NRG3: variants seen among roughly 807,000 people sequenced by gnomAD.
The protein encoded by NRG3 is pro-neuregulin-3, membrane-bound isoform.
Under a neutral mutation model 66.9 loss-of-function variants are expected in NRG3, and 31 were observed. The observed-to-expected ratio is 0.46, with a 90% CI of 0.35 to 0.63. The LOEUF is 0.63. Ranked by LOEUF, NRG3 falls within the 20% of genes least tolerant of loss-of-function variation. The pLI, the probability that NRG3 is intolerant of heterozygous loss-of-function variation, is 0.00. For synonymous variants in NRG3, 393 were observed against 359.4 expected, an observed-to-expected ratio of 1.09 and a Z score of -1.06; for missense variants, 910 against 878.9, an observed-to-expected ratio of 1.04 and a Z score of -0.45.
chr10:82,377,206 C>G (rs965951238), intron 2 of NRG3, among the ~76,000 whole-genome samples: 2 of 152,128 alleles, frequency 1.3e-5, no homozygotes, highest in Non-Finnish European at 1.5e-5. Context: ...ATTAAGCGAT[C>G]GAATAACTTG....
chr10:82,362,954 G>T (rs1364826404), intron 2 of NRG3, among the ~76,000 whole-genome samples: 1 of 152,120 alleles, frequency 6.6e-6, no homozygotes, highest in Non-Finnish European at 1.5e-5. Context: ...AAAATTACAT[G>T]TTTATTTATG....
chr10:82,222,997 A>G (rs1287212260), intron 1 of NRG3, among the ~76,000 whole-genome samples: 4 of 152,248 alleles, frequency 2.6e-5, no homozygotes, highest in Non-Finnish European at 4.4e-5. Flanking sequence ...TTGTAACAAA[A>G]TTGAAATTTT....
intron 2 of NRG3, among the ~76,000 whole-genome samples, chr10:82,601,666 A>G (rs1427184409): frequency 4.0e-5 from 6 of 151,358 alleles, no homozygotes; most frequent in African/African-American, 1.5e-4. Flanking sequence ...TTTGTCCTTA[A>G]TTTCTCGGTG....
intron 2 of NRG3, among the ~76,000 whole-genome samples, chr10:82,384,028 C>T: frequency 6.6e-6 from 1 of 151,908 alleles, no homozygotes; most frequent in Non-Finnish European, 1.5e-5. Context: ...TCTGCTATTC[C>T]TTTCAAATGA....
chr10:82,628,437 A>G (rs1332074838), intron 2 of NRG3, among the ~76,000 whole-genome samples: 1 of 152,164 alleles, frequency 6.6e-6, no homozygotes, highest in Non-Finnish European at 1.5e-5. Flanking sequence ...GGTGTTAACC[A>G]TTATTTGAGT....
At chr10:82,399,308 TAA>T in intron 2 of NRG3, among the ~76,000 whole-genome samples, 1 of 152,288 alleles carries the variant, frequency 6.6e-6, no homozygotes, top group Middle Eastern at 3.4e-3. Context: ...AGGGCACATG[TAA>T]ATAAATAAAA....
chr10:82,303,557 A>G (rs1287982855), intron 1 of NRG3, among the ~76,000 whole-genome samples: 2 of 152,202 alleles, frequency 1.3e-5, no homozygotes. Context: ...ACTGTTAATT[A>G]GAAGATGAGT....
intron 4 of NRG3, among the ~76,000 whole-genome samples, chr10:82,933,974 G>A (rs1032769925): frequency 6.6e-6 from 1 of 152,232 alleles, no homozygotes; most frequent in East Asian, 1.9e-4. Context: ...AGGTAAATGG[G>A]GGTCTGGGCT....
intron 1 of NRG3, among the ~76,000 whole-genome samples, chr10:82,047,166 C>T (rs12781801): frequency 0.15 from 21,951 of 151,198 alleles, 1,926 homozygotes; most frequent in East Asian, 0.27. Flanking sequence ...CCTTGTACCT[C>T]TGGTAGAATT....
chr10:82,708,454 C>T (rs986205952), intron 2 of NRG3, among the ~76,000 whole-genome samples: 1 of 152,154 alleles, frequency 6.6e-6, no homozygotes, highest in Admixed American at 6.5e-5. Context: ...GTGATCCTCA[C>T]TCTCCTCTCA....
intron 2 of NRG3, among the ~76,000 whole-genome samples, chr10:82,686,994 A>C (rs554786637): frequency 2.6e-4 from 39 of 152,356 alleles, no homozygotes; most frequent in African/African-American, 9.4e-4. Context: ...ACTTGGGTCC[A>C]AATGACTTCA....
chr10:82,297,683 T>C (rs895317319), intron 1 of NRG3, among the ~76,000 whole-genome samples: 3 of 152,140 alleles, frequency 2.0e-5, no homozygotes, highest in Non-Finnish European at 4.4e-5. Context: ...TCATAATGTA[T>C]AAATATAGGT....
At chr10:82,306,085 C>A (rs61698366) in intron 1 of NRG3, among the ~76,000 whole-genome samples, 1 of 152,142 alleles carries the variant, frequency 6.6e-6, no homozygotes, top group South Asian at 2.1e-4. Flanking sequence ...TATTTTAAAG[C>A]ATCAGTTGAG....
At chr10:82,284,346 C>A (rs1218571384) in intron 1 of NRG3, among the ~76,000 whole-genome samples, 7 of 152,178 alleles carry the variant, frequency 4.6e-5, no homozygotes, top group African/African-American at 1.7e-4. Flanking sequence ...GATTTAAATT[C>A]ATAGCAGTTA....
At chr10:82,453,672 T>C (rs527727475) in intron 2 of NRG3, among the ~76,000 whole-genome samples, 3 of 150,748 alleles carry the variant, frequency 2.0e-5, no homozygotes, top group East Asian at 3.9e-4. Flanking sequence ...AAAAGCCTGA[T>C]GTTTTGAGCT....
At chr10:82,738,428 G>A (rs1591367872) in intron 2 of NRG3, 149 bp from the exon 3 acceptor site, 1 of 648,644 alleles carries the variant, frequency 1.5e-6, no homozygotes, top group Non-Finnish European at 2.7e-6. Context: ...GAATCTGCCT[G>A]TTGAGGTCAG....
Position 81,949,392 on chromosome 10 carries a change from G to A in NRG3, c.823+73229G>A, listed in dbSNP as rs146023003. On this transcript the variant is annotated intron_variant, in intron 1 of 8. Transcript: ENST00000372141. ...ATAGAACAAGTGGGTAATCCTTAGCGACCTGTCTAGTCTGTAAAATCTACA... is the reference window on the plus strand; with the variant it reads ...ATAGAACAAGTGGGTAATCCTTAGCAACCTGTCTAGTCTGTAAAATCTACA... Among the ~76,000 whole-genome samples, 664 of 152,222 alleles carry A rather than the reference G, an allele frequency of 4.4e-3. 4 individuals are homozygous for A. The highest frequency in any genetic ancestry group is 0.015 in the African/African-American group (623 of 41,532).
At chr10:82,283,531 G>A (rs2079237910) in intron 1 of NRG3, among the ~76,000 whole-genome samples, 1 of 152,058 alleles carries the variant, frequency 6.6e-6, no homozygotes. Context: ...AAAGGTGTAG[G>A]GTAGGAAATC....
chr10:81,952,016 A>G (rs569726140), intron 1 of NRG3, among the ~76,000 whole-genome samples: 2 of 152,034 alleles, frequency 1.3e-5, no homozygotes, highest in South Asian at 2.1e-4. Context: ...GCAAACTATC[A>G]CAAGGACAAA....
Sources: gnomAD v4.1 joint callset for allele counts (sites outside exome capture counted in the v4.1 genomes callset) on GRCh38, gnomAD v4.1.1 for gene constraint, MANE v1.5 for transcripts, NCBI Gene and HGNC (gene_info 2026-07-23, HGNC 2026-07-21) for gene names.